The following ANXA9 variants were observed in gnomAD, a reference collection of about 807,000 sequenced individuals.
The protein encoded by ANXA9 is annexin A9, also known as annexin 31.
Under a neutral mutation model 51.8 loss-of-function variants are expected in ANXA9, and 47 were observed. The observed-to-expected ratio is 0.91, with a 90% CI of 0.72 to 1.16. The LOEUF is 1.16. Among genes scored for constraint, ANXA9 ranks in the 50% most tolerant of loss-of-function variants. The pLI is 0.00. For missense variants in ANXA9, 361 were observed against 424.7 expected (o/e 0.85, Z 1.32); for synonymous variants, 154 against 168.7 (o/e 0.91, Z 0.68).
chr1:150,995,046 C>G (rs893608678), intron 13 of ANXA9, among the ~76,000 whole-genome samples: 33 of 152,208 alleles, frequency 2.2e-4, no homozygotes, highest in Non-Finnish European at 3.4e-4. Context: ...GAGCCAAGAT[C>G]GTGCCACTGC....
chr1:150,983,936 A>T, intron 4 of ANXA9, 39 bp from the exon 5 acceptor site: 1 of 1,584,100 alleles, frequency 6.3e-7, no homozygotes, highest in Non-Finnish European at 8.6e-7. Flanking sequence ...CCCACTATGT[A>T]AAGACCCTGC....
chr1:150,992,221 C>T (rs1357455074), intron 12 of ANXA9, among the ~76,000 whole-genome samples: 2 of 152,106 alleles, frequency 1.3e-5, no homozygotes, highest in Non-Finnish European at 2.9e-5. Context: ...TGGTGAAGAT[C>T]CTAGGGCCAT....
chr1:150,977,925 CAGG>C (rs908756699), upstream of ANXA9, among the ~76,000 whole-genome samples: 17 of 152,260 alleles, frequency 1.1e-4, no homozygotes, highest in African/African-American at 4.1e-4. Flanking sequence ...CACCTGCGGT[CAGG>C]AGTTCAAGAC....
Position 150,995,489 on chromosome 1 carries a change from C to T in ANXA9, c.*167C>T, listed in dbSNP as rs587700682. 3.3e-6 allele frequency: 2 copies of T among 603,546 alleles called. No homozygotes were observed. Among genetic ancestry groups the T allele is most frequent in the South Asian group, 4.9e-5 (2 of 41,110 alleles). 37.4% of individuals were successfully genotyped at this position (603,546 alleles called of 1,614,324 possible). Reference sequence around the variant, plus strand: ...TGTTTCTTTAAAATCCCTTAATTTTCCCATCTCAAAATTATATCTGTACCT... The same window carrying T: ...TGTTTCTTTAAAATCCCTTAATTTTTCCATCTCAAAATTATATCTGTACCT... On this transcript the variant is annotated 3_prime_UTR_variant, in exon 14 of 14. Transcript: ENST00000368947.
Position 150,995,321 on chromosome 1 carries a change from G to A in ANXA9, c.1037G>A (p.Ter346=). 1 of 1,607,184 alleles carries A rather than the reference G, an allele frequency of 6.2e-7. No individual in the cohort carries two copies. Among genetic ancestry groups the A allele is most frequent in the Non-Finnish European group, 8.5e-7 (1 of 1,176,668 alleles). The part of the protein sequence containing the change: ...LLALCRAEDM[*] ...GCCTTGTGCAGGGCTGAAGACATGT[G>A]AGACTTCCCTGCCCCACCCCACATG... is the stretch of plus-strand genomic sequence containing the variant. Residue 346 remains the stop codon, a stop_retained_variant, in exon 14 of 14, where the codon TGA becomes TAA. Coordinates refer to ENST00000368947, the MANE Select transcript of ANXA9 (RefSeq NM_003568.3).
At chr1:150,986,693 G>A (rs777090424) in intron 9 of ANXA9, 32 bp downstream of exon 9, 11 of 1,551,334 alleles carry the variant, frequency 7.1e-6, no homozygotes, top group African/African-American at 2.8e-5. Context: ...GTGCACAGCC[G>A]CCATGCACAT....
At chr1:150,978,633 G>T (rs1376654519), upstream of ANXA9, among the ~76,000 whole-genome samples, 1 of 151,982 alleles carries the variant, frequency 6.6e-6, no homozygotes, top group Non-Finnish European at 1.5e-5. Flanking sequence ...CCATGGCCTC[G>T]GGAAGTCACT....
Position 150,994,572 on chromosome 1 carries a change from A to G in ANXA9, c.853-5A>G, listed in dbSNP as rs749695480. The G allele has an allele frequency of 3.1e-6, 5 of 1,613,110 alleles. No homozygotes were observed. Among genetic ancestry groups the G allele is most frequent in the Non-Finnish European group, 4.2e-6 (5 of 1,179,522 alleles). On this transcript the variant is annotated splice_polypyrimidine_tract_variant and splice_region_variant and intron_variant, in intron 12 of 13. Transcript: ENST00000368947. ...CTACCCCCCATCTCTTTCTTCCCCT[A>G]CTAGGAAACTGAGCCCAATTACCAA... is the stretch of plus-strand genomic sequence containing the variant.
At chr1:150,991,697 A>T (rs971401251) in intron 12 of ANXA9, among the ~76,000 whole-genome samples, 3 of 151,936 alleles carry the variant, frequency 2.0e-5, no homozygotes, top group Non-Finnish European at 2.9e-5. Flanking sequence ...GCCCGCCACC[A>T]CATCCGGCTA....
chr1:150,985,621 A>G lies in ANXA9; in HGVS notation c.473-715A>G, dbSNP rs139876850. Among the ~76,000 whole-genome samples, 121 of 151,294 alleles carry G rather than the reference A, an allele frequency of 8.0e-4. No individual in the cohort carries two copies. In the Middle Eastern group the frequency reaches 0.01, roughly 13 times the overall value. ...TCTTGCCCTGTAGCCTAGGCTGTGC[A>G]GTGATGTCATCATGGCTCACTGCAG... On this transcript the variant is annotated intron_variant, in intron 7 of 13. Coordinates refer to ENST00000368947, the MANE Select transcript of ANXA9 (RefSeq NM_003568.3).
intron 4 of ANXA9, 27 bp downstream of exon 4, chr1:150,983,461 G>C: frequency 6.3e-7 from 1 of 1,582,390 alleles, no homozygotes; most frequent in Non-Finnish European, 8.6e-7. Flanking sequence ...CGGCACTTGA[G>C]ACTGCCTTTT....
intron 2 of ANXA9, 69 bp downstream of exon 2, chr1:150,982,652 A>C: frequency 6.4e-6 from 1 of 157,388 alleles, no homozygotes; most frequent in Non-Finnish European, 1.4e-5. Context: ...GGAAGATGCT[A>C]TTTCGAGTTG....
chr1:150,985,427 G>C (rs1259322494), intron 7 of ANXA9, among the ~76,000 whole-genome samples: 1 of 152,058 alleles, frequency 6.6e-6, no homozygotes, highest in African/African-American at 2.4e-5. Context: ...CACCTTTCAT[G>C]TCCCTGATGG....
upstream of ANXA9, among the ~76,000 whole-genome samples, chr1:150,980,323 G>A (rs1456942277): frequency 6.6e-6 from 1 of 151,680 alleles, no homozygotes; most frequent in Non-Finnish European, 1.5e-5. Flanking sequence ...TTGAACCCGG[G>A]AGGTGGAGCT....
chr1:150,983,271 G>A, intron 3 of ANXA9, 67 bp from the exon 4 acceptor site: 1 of 1,599,078 alleles, frequency 6.3e-7, no homozygotes, highest in Non-Finnish European at 8.6e-7. Context: ...GACAGGCCCT[G>A]AGGTTATGCT....
At chr1:150,978,785 G>A (rs587617178), upstream of ANXA9, among the ~76,000 whole-genome samples, 18 of 152,132 alleles carry the variant, frequency 1.2e-4, no homozygotes, top group South Asian at 3.7e-3. Flanking sequence ...CCAACATGGT[G>A]AAACACTGTC....
chr1:150,985,196 A>T (rs866589847), intron 7 of ANXA9, among the ~76,000 whole-genome samples: 9,926 of 148,464 alleles, frequency 0.067, 359 homozygotes, highest in Non-Finnish European at 0.081. Context: ...TCTCTCACAC[A>T]CACACACACA....
At chr1:150,984,417 G>T (rs1671498814) in intron 6 of ANXA9, 23 bp downstream of exon 6, 1 of 1,607,720 alleles carries the variant, frequency 6.2e-7, no homozygotes, top group South Asian at 1.1e-5. Flanking sequence ...GAGACTTGCT[G>T]GGGTGTCTGG....
chr1:150,990,522 A>G (rs1671669339), intron 12 of ANXA9, among the ~76,000 whole-genome samples: 1 of 152,134 alleles, frequency 6.6e-6, no homozygotes, highest in Non-Finnish European at 1.5e-5. Flanking sequence ...GTAGGCCACC[A>G]TATCTGGCTA....
Sources: gnomAD v4.1 joint callset for allele counts (sites outside exome capture counted in the v4.1 genomes callset) on GRCh38, gnomAD v4.1.1 for gene constraint, MANE v1.5 for transcripts, NCBI Gene and HGNC (gene_info 2026-07-23, HGNC 2026-07-21) for gene names.